The following ARHGAP17 variants were observed in gnomAD, a reference collection of about 807,000 sequenced individuals.
ARHGAP17 encodes the protein Rho GTPase activating protein 17.
A neutral mutation model predicts 99.5 loss-of-function variants in ARHGAP17; 57 were observed. That is an observed-to-expected ratio of 0.57 (90% CI 0.46 to 0.71). The LOEUF is 0.71. Ranked by LOEUF, ARHGAP17 falls within the 30% of genes least tolerant of loss-of-function variation. ARHGAP17 has a pLI of 0.00. For synonymous variants in ARHGAP17, 417 were observed against 429.6 expected (o/e 0.97, Z 0.36); for missense variants, 1,000 against 1,122.4 (o/e 0.89, Z 1.56).
At position 24,961,899 on chromosome 16, in the gene ARHGAP17, T is replaced by C. The variant is rs796346821; in HGVS notation, c.574-1920A>G. Among the ~76,000 whole-genome samples, 10 of 107,438 alleles carry C rather than the reference T, an allele frequency of 9.3e-5. 1 individual carries two copies. Among genetic ancestry groups the C allele is most frequent in the African/African-American group, 3.7e-4 (10 of 27,164 alleles). The allele number at this position is 107,438 out of a possible 152,430, so 70.5% of individuals were successfully genotyped here. ...TATTTCCAATCTTCAAATATAAATATACATAGGAATTTTATATATATATAT... is the reference window on the plus strand; with the variant it reads ...TATTTCCAATCTTCAAATATAAATACACATAGGAATTTTATATATATATAT... On this transcript the variant is annotated intron_variant, in intron 7 of 19. Transcript: ENST00000289968.
At chr16:24,989,596 G>A (rs1414806423) in intron 1 of ARHGAP17, among the ~76,000 whole-genome samples, 2 of 152,056 alleles carry the variant, frequency 1.3e-5, no homozygotes, top group African/African-American at 4.8e-5. Flanking sequence ...TTTGGGGGTG[G>A]GGGGAATGGG....
At chr16:24,947,392 AAACTAGAATGT>A in intron 14 of ARHGAP17, 79 bp downstream of exon 14, 1 of 1,171,534 alleles carries the variant, frequency 8.5e-7, no homozygotes, top group Admixed American at 2.0e-5. Flanking sequence ...AATTGATCTT[AAACTAGAATGT>A]GTAACCTGAG....
Position 24,939,419 on chromosome 16 carries a change from T to C in ARHGAP17, c.1669A>G (p.Thr557Ala), listed in dbSNP as rs774459430. ...SRAESSSGGG[T>A]VPSSAGILEQ... The stretch of plus-strand genomic sequence containing the variant: ...AGTATGCCCGCGGAAGAGGGGACAG[T>C]CCCACCCCCAGAGCTGCTTTCAGCC... The change falls in exon 17 of 20, where the codon ACT (threonine) becomes GCT (alanine). Residue 557 changes from threonine (T) to alanine (A), a missense_variant. Thr to Ala is a moderately conservative substitution (Grantham distance 58, BLOSUM62 0). Coordinates refer to ENST00000289968, the MANE Select transcript of ARHGAP17 (RefSeq NM_001006634.3). 2.0e-5 allele frequency: 33 copies of C among 1,611,502 alleles called. No individual in the cohort carries two copies. Among genetic ancestry groups the C allele is most frequent in the Non-Finnish European group, 2.7e-5 (32 of 1,179,874 alleles).
At chr16:24,920,573 A>G (rs4787655) in intron 19 of ARHGAP17, 49,005 of 281,226 alleles carry the variant, frequency 0.17, 10,614 homozygotes, top group African/African-American at 0.65. Flanking sequence ...TCTTCCCAAG[A>G]CCTCTAATGC....
rs1373283526 is a variant in ARHGAP17 at position 24,955,581 on chromosome 16, G to A, written c.725-851C>T. ...ATCTGAGCAGCTCGCAGAAGCAAAG[G>A]AGGGCAAACCAGTTGTGAAAACTGC... On this transcript the variant is annotated intron_variant, in intron 9 of 19. Coordinates refer to ENST00000289968, the MANE Select transcript of ARHGAP17 (RefSeq NM_001006634.3). This position sits in a 1 kb window ranked among gnomAD's most constrained non-coding sequence, Gnocchi z 4.0. 6.6e-6 allele frequency: 1 copy of A among 152,226 alleles called. No homozygotes were observed. The highest frequency in any genetic ancestry group is 1.9e-4 in the East Asian group (1 of 5,204). 9.4% of individuals were successfully genotyped at this position (152,226 alleles called of 1,614,324 possible).
chr16:25,012,618 T>G (rs1183223780), intron 1 of ARHGAP17, among the ~76,000 whole-genome samples: 1 of 152,192 alleles, frequency 6.6e-6, no homozygotes, highest in Non-Finnish European at 1.5e-5. Flanking sequence ...TTCTAGGCAC[T>G]CTCCAGCCTC....
intron 7 of ARHGAP17, 44 bp from the exon 8 acceptor site, chr16:24,960,023 G>GAAAC: frequency 6.3e-7 from 1 of 1,579,768 alleles, no homozygotes; most frequent in African/African-American, 1.3e-5. Flanking sequence ...AAAAAGAAGT[G>GAAAC]AAACAAAATG....
At chr16:24,953,848 G>T (rs941802351) in intron 10 of ARHGAP17, among the ~76,000 whole-genome samples, 8 of 152,192 alleles carry the variant, frequency 5.3e-5, no homozygotes, top group African/African-American at 1.9e-4. Flanking sequence ...TCTGGCCCCA[G>T]ACAAGAAGCA....
intron 7 of ARHGAP17, among the ~76,000 whole-genome samples, chr16:24,962,739 A>C (rs889687246): frequency 6.6e-5 from 10 of 152,368 alleles, no homozygotes; most frequent in African/African-American, 2.4e-4. Flanking sequence ...ATTAACAGAG[A>C]TTATTAAATA....
At chr16:24,950,706 G>A (rs993085405) in intron 12 of ARHGAP17, among the ~76,000 whole-genome samples, 17 of 151,902 alleles carry the variant, frequency 1.1e-4, no homozygotes, top group Admixed American at 2.6e-4. Flanking sequence ...GCATGGTGGT[G>A]TGCGCCTGTA....
chr16:24,924,362 T>A (rs2050787841), intron 19 of ARHGAP17, among the ~76,000 whole-genome samples: 1 of 151,974 alleles, frequency 6.6e-6, no homozygotes, highest in Admixed American at 6.6e-5. Context: ...TAAGTTTATA[T>A]GACAAGTATT....
At position 24,931,102 on chromosome 16, in the gene ARHGAP17, G is replaced by A; in HGVS notation, c.2197C>T (p.Gln733Ter). The change falls in exon 19 of 20, where the codon CAG becomes TAG. Residue 733 changes from glutamine to a stop codon, truncating the protein, a stop_gained. Transcript: ENST00000289968. LOFTEE classifies it high-confidence loss of function. Reference sequence around the variant, plus strand: ...AATGCCATGGGGTTGGGAGGGCCCTGGCTATTGGGTTTGGTGTGCATCAGT... The same window carrying A: ...AATGCCATGGGGTTGGGAGGGCCCTAGCTATTGGGTTTGGTGTGCATCAGT... ...TPLMHTKPNSQGPPNPMALPS... is the reference protein window; with the variant it reads ...TPLMHTKPNS The A allele has an allele frequency of 6.2e-7, 1 of 1,606,718 alleles. No homozygotes were observed. The highest frequency in any genetic ancestry group is 8.5e-7 in the Non-Finnish European group (1 of 1,176,598).
chr16:24,931,379 G>A lies in ARHGAP17; in HGVS notation c.1920C>T (p.Pro640=). Residue 640 remains proline (P), a synonymous_variant, in exon 19 of 20, where the codon CCC becomes CCT. Transcript: ENST00000289968. ...RRAVKKPAPA[P]PKPGNPPPGH... Reference sequence around the variant, plus strand: ...CAGGAGGTGGGTTGCCCGGTTTCGGGGGTGCTGGAGCGGGTTTTTTAACAG... The same window carrying A: ...CAGGAGGTGGGTTGCCCGGTTTCGGAGGTGCTGGAGCGGGTTTTTTAACAG... The A allele has an allele frequency of 3.3e-6, 5 of 1,511,920 alleles. No homozygotes were observed. The highest frequency in any genetic ancestry group is 4.4e-6 in the Non-Finnish European group (5 of 1,133,376). The allele number at this position is 1,511,920 out of a possible 1,614,324, so 93.7% of individuals were successfully genotyped here. A position where few individuals can be genotyped will look rare whatever the true frequency, so the allele number is the denominator to read the frequency against.
At chr16:25,015,149 G>T in intron 1 of ARHGAP17, 60 bp downstream of exon 1, 1 of 824,104 alleles carries the variant, frequency 1.2e-6, no homozygotes, top group Non-Finnish European at 1.6e-6. Context: ...TCCCGCCCCC[G>T]CGCCCTCCGC....
At chr16:24,972,997 C>T (rs902212001) in intron 3 of ARHGAP17, among the ~76,000 whole-genome samples, 7 of 151,466 alleles carry the variant, frequency 4.6e-5, no homozygotes, top group South Asian at 2.1e-4. Flanking sequence ...GTCAGTGACG[C>T]GATCTCAGCT....
At chr16:24,952,047 C>G (rs2039531365) in intron 12 of ARHGAP17, among the ~76,000 whole-genome samples, 1 of 152,202 alleles carries the variant, frequency 6.6e-6, no homozygotes, top group African/African-American at 2.4e-5. Context: ...GGGTACCACT[C>G]TATGTCTTCA....
chr16:24,983,645 T>A (rs1384192328), intron 1 of ARHGAP17, among the ~76,000 whole-genome samples: 1 of 152,164 alleles, frequency 6.6e-6, no homozygotes, highest in Non-Finnish European at 1.5e-5. Context: ...AAACTTTTTG[T>A]ATATGGGTTT....
chr16:24,941,989 T>C lies in ARHGAP17; in HGVS notation c.1488A>G (p.Glu496=), dbSNP rs755199744. 3 of 1,613,844 alleles carry C rather than the reference T, an allele frequency of 1.9e-6. No homozygotes were observed. Among genetic ancestry groups the C allele is most frequent in the Non-Finnish European group, 1.7e-6 (2 of 1,179,902 alleles). Residue 496 remains glutamate, a splice_region_variant and synonymous_variant, in exon 16 of 20, where the codon GAA becomes GAG. Transcript: ENST00000289968. ...AVMEGDLVKK[E]SFGVKLMDFQ... is the part of the protein sequence containing the mutation. ...GGAAGTGAACGGTCAAATCATACCT[T>C]TCCTTCTTCACCAAGTCTCCTTCCA...
intron 15 of ARHGAP17, 48 bp downstream of exon 15, chr16:24,943,723 C>T (rs78302531): frequency 0.016 from 24,073 of 1,524,520 alleles, 504 homozygotes; most frequent in African/African-American, 0.1. Flanking sequence ...ACTTTTTGTA[C>T]GATTATCACA....
Sources: allele counts gnomAD v4.1 joint callset (sites outside exome capture counted in the v4.1 genomes callset), GRCh38; gene constraint gnomAD v4.1.1; non-coding constraint Gnocchi (gnomAD v3.1); transcripts MANE v1.5; gene names NCBI Gene and HGNC (gene_info 2026-07-23, HGNC 2026-07-21).